GALNT17: variants seen among roughly 807,000 people sequenced by gnomAD.
GALNT17 encodes the protein UDP-GalNAc:polypeptide N-acetylgalactosaminyltransferase-like 3.
In GALNT17, 29 loss-of-function variants were observed where a neutral mutation model predicts 63.7. The ratio of observed to expected loss-of-function variants is 0.46; its 90% CI spans 0.34 to 0.62. The LOEUF (loss-of-function observed/expected upper bound fraction) is 0.62, where lower values mean the gene tolerates loss of function less well. GALNT17 is among the 20% of genes least tolerant of loss of function. The pLI is 0.01. For synonymous variants in GALNT17, 305 were observed against 318.3 expected (o/e 0.96, Z 0.45); for missense variants, 603 against 799.6 (o/e 0.75, Z 2.97).
intron 6 of GALNT17, among the ~76,000 whole-genome samples, chr7:71,625,213 C>G (rs1009967946): frequency 2.0e-5 from 3 of 152,000 alleles, no homozygotes; most frequent in African/African-American, 7.2e-5. Flanking sequence ...AGCACGATCT[C>G]GGCTCACTGC....
intron 2 of GALNT17, among the ~76,000 whole-genome samples, chr7:71,352,555 T>G (rs1792208264): frequency 6.6e-6 from 1 of 152,172 alleles, no homozygotes; most frequent in Admixed American, 6.5e-5. Context: ...GATTTGATGT[T>G]TAGTCATATA....
At chr7:71,312,022 A>G (rs1030106243) in intron 1 of GALNT17, among the ~76,000 whole-genome samples, 3 of 152,222 alleles carry the variant, frequency 2.0e-5, no homozygotes, top group Non-Finnish European at 4.4e-5. Flanking sequence ...TACCATTGCC[A>G]TAGCAACACC....
intron 5 of GALNT17, among the ~76,000 whole-genome samples, chr7:71,523,964 A>G (rs1477054884): frequency 6.7e-6 from 1 of 150,084 alleles, no homozygotes; most frequent in Non-Finnish European, 1.5e-5. Context: ...CTAAAAATTC[A>G]AAAACTAGCC....
At chr7:71,510,039 G>A (rs531954847) in intron 5 of GALNT17, among the ~76,000 whole-genome samples, 1 of 152,102 alleles carries the variant, frequency 6.6e-6, no homozygotes, top group East Asian at 1.9e-4. Context: ...TGAACTCCTG[G>A]GCTCAAGCAA....
At position 71,421,047 on chromosome 7, in the gene GALNT17, A is replaced by C. The variant is rs1352035086; in HGVS notation, c.904A>C (p.Met302Leu). Residue 302 changes from methionine to leucine, a missense_variant, in exon 5 of 11, where the codon ATG becomes CTG. This residue lies in a region of GALNT17 where 336 missense variants were observed against 507.8 expected (regional missense o/e 0.66). Coordinates refer to ENST00000333538, the MANE Select transcript of GALNT17 (RefSeq NM_022479.3). ...AHGYSWELWC[M>L]YISPPKDWWD... is the part of the protein sequence containing the mutation. ...CGGGTACAGCTGGGAGCTGTGGTGCATGTACATCAGCCCCCCAAAAGACTG... is the reference window on the plus strand; with the variant it reads ...CGGGTACAGCTGGGAGCTGTGGTGCCTGTACATCAGCCCCCCAAAAGACTG... 6.2e-7 allele frequency: 1 copy of C among 1,614,002 alleles called. No homozygotes were observed. Among genetic ancestry groups the C allele is most frequent in the African/African-American group, 1.3e-5 (1 of 74,914 alleles).
At chr7:71,396,965 A>T (rs537268838) in intron 3 of GALNT17, among the ~76,000 whole-genome samples, 1 of 152,024 alleles carries the variant, frequency 6.6e-6, no homozygotes, top group Non-Finnish European at 1.5e-5. Flanking sequence ...TTCATGTTGT[A>T]TCCTTTAACT....
intron 1 of GALNT17, among the ~76,000 whole-genome samples, chr7:71,205,492 T>C (rs1789255803): frequency 6.6e-6 from 1 of 152,128 alleles, no homozygotes; most frequent in Admixed American, 6.6e-5. Context: ...AGTGCAGTAA[T>C]GCTCATTGCA....
chr7:71,677,175 G>T (rs1397513458), intron 8 of GALNT17, 36 bp from the exon 9 acceptor site: 2 of 1,609,028 alleles, frequency 1.2e-6, no homozygotes, highest in Admixed American at 1.7e-5. Context: ...TCCACTAGCT[G>T]AGCTCTCATG....
At chr7:71,298,714 GT>G (rs1562981450) in intron 1 of GALNT17, among the ~76,000 whole-genome samples, 1,363 of 57,828 alleles carry the variant, frequency 0.024, 22 homozygotes, top group African/African-American at 0.074. Context: ...CCAGTGGGGT[GT>G]GTGTGTGTGT....
chr7:71,217,700 C>T, intron 1 of GALNT17, among the ~76,000 whole-genome samples: 1 of 151,102 alleles, frequency 6.6e-6, no homozygotes, highest in Non-Finnish European at 1.5e-5. Flanking sequence ...CTGAGGTGGG[C>T]CGATCACAAG....
Position 71,361,669 on chromosome 7 carries a change from C to A in GALNT17, c.422+25936C>A, listed in dbSNP as rs560755681. Among the ~76,000 whole-genome samples the A allele has an allele frequency of 2.6e-5, 4 of 152,168 alleles. No individual in the cohort carries two copies. In the South Asian group the frequency reaches 8.3e-4, roughly 32 times the overall value. On this transcript the variant is annotated intron_variant, in intron 2 of 10. Transcript: ENST00000333538. The stretch of plus-strand genomic sequence containing the variant: ...ATAAAATAGCTGTGATGTTGAGTTT[C>A]GTTGAGTTTTATTTCTATTGCATAG...
intron 1 of GALNT17, among the ~76,000 whole-genome samples, chr7:71,185,664 C>T (rs1187260674): frequency 3.3e-5 from 5 of 151,910 alleles, no homozygotes; most frequent in African/African-American, 4.8e-5. Context: ...CCCACCACCA[C>T]GCCTAGCTAA....
chr7:71,646,807 T>C (rs10237519), intron 6 of GALNT17, among the ~76,000 whole-genome samples: 142,737 of 146,020 alleles, frequency 0.98, 69,849 homozygotes, highest in Non-Finnish European at 1. Context: ...AGTGCAGTGG[T>C]GCTATCTCAG....
At chr7:71,261,977 G>A (rs1790393177) in intron 1 of GALNT17, among the ~76,000 whole-genome samples, 1 of 152,138 alleles carries the variant, frequency 6.6e-6, no homozygotes, top group Admixed American at 6.5e-5. Context: ...GAGCACTGAG[G>A]GGGTCTACAT....
chr7:71,562,900 A>T (rs902967794), intron 5 of GALNT17, among the ~76,000 whole-genome samples: 1 of 152,164 alleles, frequency 6.6e-6, no homozygotes, highest in Non-Finnish European at 1.5e-5. Flanking sequence ...TGAGCCACTG[A>T]AGGCTTTAGA....
intron 6 of GALNT17, among the ~76,000 whole-genome samples, chr7:71,646,362 A>C (rs1790675804): frequency 6.6e-6 from 1 of 152,254 alleles, no homozygotes; most frequent in South Asian, 2.1e-4. Flanking sequence ...AACCCAGCTC[A>C]GCATGGCAGG....
intron 5 of GALNT17, among the ~76,000 whole-genome samples, chr7:71,548,970 G>C (rs1789030567): frequency 6.6e-6 from 1 of 152,136 alleles, no homozygotes; most frequent in African/African-American, 2.4e-5. Flanking sequence ...CAGGGAGTGG[G>C]GTGTGTGGGA....
chr7:71,422,165 C>T (rs1786678008), intron 5 of GALNT17, among the ~76,000 whole-genome samples: 1 of 152,046 alleles, frequency 6.6e-6, no homozygotes, highest in East Asian at 1.9e-4. Flanking sequence ...GTCAGGAGGT[C>T]TGGTCCTTCT....
intron 5 of GALNT17, among the ~76,000 whole-genome samples, chr7:71,487,034 G>A (rs1583995689): frequency 6.6e-6 from 1 of 152,146 alleles, no homozygotes; most frequent in African/African-American, 2.4e-5. Context: ...TTCAGTGTGG[G>A]ACACGAAGCT....
Sources: gnomAD v4.1 joint callset for allele counts (sites outside exome capture counted in the v4.1 genomes callset) on GRCh38, gnomAD v4.1.1 for gene constraint, gnomAD v4.1.1 regional missense constraint, MANE v1.5 for transcripts, NCBI Gene and HGNC (gene_info 2026-07-23, HGNC 2026-07-21) for gene names.